FRMD4A: variants seen among roughly 807,000 people sequenced by gnomAD.
The protein encoded by FRMD4A is FERM domain-containing protein 4A.
A neutral mutation model predicts 129.1 loss-of-function variants in FRMD4A; 29 were observed. The ratio of observed to expected loss-of-function variants is 0.22; its 90% CI spans 0.17 to 0.31. The LOEUF is 0.31. Ranked by LOEUF, FRMD4A falls within the 10% of genes least tolerant of loss-of-function variation. The pLI, the probability that FRMD4A is intolerant of heterozygous loss-of-function variation, is 1.00. For missense variants in FRMD4A, 1,272 were observed against 1,375.8 expected, an observed-to-expected ratio of 0.92 and a Z score of 1.19; for synonymous variants, 634 against 571.6, an observed-to-expected ratio of 1.11 and a Z score of -1.56.
chr10:13,961,225 C>T (rs923349034), intron 2 of FRMD4A, among the ~76,000 whole-genome samples: 2 of 152,184 alleles, frequency 1.3e-5, no homozygotes, highest in South Asian at 4.1e-4. Flanking sequence ...AACCCCATAT[C>T]CTCTTTCCAT....
At chr10:13,745,685 A>G (rs2091252971) in intron 9 of FRMD4A, among the ~76,000 whole-genome samples, 1 of 152,170 alleles carries the variant, frequency 6.6e-6, no homozygotes, top group African/African-American at 2.4e-5. Flanking sequence ...TCAGATGAGC[A>G]TAGCAGTGTT....
At chr10:13,764,416 G>A (rs937705272) in intron 6 of FRMD4A, among the ~76,000 whole-genome samples, 2 of 151,816 alleles carry the variant, frequency 1.3e-5, no homozygotes, top group African/African-American at 4.8e-5. Flanking sequence ...GAGGTGGGAG[G>A]GTCCCCTGAG....
chr10:14,075,857 C>T lies in FRMD4A; in HGVS notation c.46-216945G>A, dbSNP rs149473726. 1.6e-4 allele frequency among the ~76,000 whole-genome samples: 24 copies of T among 152,202 alleles called. No homozygotes were observed. In the South Asian group the frequency reaches 3.1e-3, roughly 20 times the overall value. On this transcript the variant is annotated intron_variant, in intron 2 of 24. Coordinates refer to ENST00000357447, the MANE Select transcript of FRMD4A (RefSeq NM_018027.5). ...TGATATTTCTGCATTGTCATAAAGC[C>T]GGAGAGAGAAGCTTCCCCCAGTTAC...
intron 15 of FRMD4A, among the ~76,000 whole-genome samples, chr10:13,689,729 A>ATT (rs34481268): frequency 0.024 from 3,505 of 145,224 alleles, 52 homozygotes; most frequent in South Asian, 0.061. Flanking sequence ...TATTAAGAAG[A>ATT]TTTTTTTTTT....
At chr10:13,742,265 T>G (rs1452924200) in intron 9 of FRMD4A, among the ~76,000 whole-genome samples, 1 of 152,076 alleles carries the variant, frequency 6.6e-6, no homozygotes, top group East Asian at 1.9e-4. Context: ...ATACGGCCGC[T>G]CCCACCCCCG....
intron 2 of FRMD4A, among the ~76,000 whole-genome samples, chr10:13,893,472 T>G (rs1024989385): frequency 6.6e-6 from 1 of 152,340 alleles, no homozygotes; most frequent in South Asian, 2.1e-4. Context: ...CTGATTTGTT[T>G]TGACTGCAAC....
At chr10:13,730,357 A>G (rs1351959925) in intron 12 of FRMD4A, among the ~76,000 whole-genome samples, 11 of 152,198 alleles carry the variant, frequency 7.2e-5, no homozygotes. Context: ...AAACGTTTCC[A>G]GGGAAGAAAG....
chr10:13,945,572 C>T (rs929918413), intron 2 of FRMD4A, among the ~76,000 whole-genome samples: 1 of 152,096 alleles, frequency 6.6e-6, no homozygotes, highest in Non-Finnish European at 1.5e-5. Context: ...CGTAAAGTTT[C>T]AGATGTCTCA....
intron 2 of FRMD4A, among the ~76,000 whole-genome samples, chr10:14,151,005 T>G (rs76648567): frequency 0.023 from 3,560 of 152,306 alleles, 67 homozygotes; most frequent in Non-Finnish European, 0.036. Context: ...CCTAGGAATT[T>G]TACATGTGCT....
chr10:14,145,763 T>C (rs1306025282), intron 2 of FRMD4A, among the ~76,000 whole-genome samples: 1 of 152,088 alleles, frequency 6.6e-6, no homozygotes, highest in Non-Finnish European at 1.5e-5. Flanking sequence ...GAAGACAGGA[T>C]CTTAATTTCT....
chr10:13,651,822 G>A (rs1339744613), intron 24 of FRMD4A, 81 bp downstream of exon 24: 3 of 782,340 alleles, frequency 3.8e-6, no homozygotes, highest in Admixed American at 1.7e-5. Context: ...GTATCCTTGT[G>A]GAAATGATGA....
intron 2 of FRMD4A, among the ~76,000 whole-genome samples, chr10:13,860,660 C>G (rs61833457): frequency 0.24 from 37,189 of 152,126 alleles, 4,817 homozygotes; most frequent in Non-Finnish European, 0.29. Flanking sequence ...CCTTGTCCAG[C>G]CATGAGGGTC....
At chr10:13,938,914 C>A (rs1169621029) in intron 2 of FRMD4A, among the ~76,000 whole-genome samples, 1 of 152,110 alleles carries the variant, frequency 6.6e-6, no homozygotes, top group Non-Finnish European at 1.5e-5. Flanking sequence ...TCCAAGGCAA[C>A]ATCATGAGAT....
chr10:13,663,144 C>A (rs888897500), intron 19 of FRMD4A, among the ~76,000 whole-genome samples: 5 of 149,762 alleles, frequency 3.3e-5, no homozygotes, highest in African/African-American at 1.2e-4. Flanking sequence ...GAGCCGAGAT[C>A]ATACCACTGC....
intron 2 of FRMD4A, among the ~76,000 whole-genome samples, chr10:14,146,410 TCAACACAACA>T (rs772228665): frequency 1.3e-5 from 2 of 152,094 alleles, no homozygotes; most frequent in African/African-American, 4.8e-5. Flanking sequence ...ACAATATAAT[TCAACACAACA>T]CAACACAACA....
intron 2 of FRMD4A, among the ~76,000 whole-genome samples, chr10:14,229,534 C>T (rs572039093): frequency 7.2e-5 from 11 of 152,234 alleles, no homozygotes; most frequent in African/African-American, 2.4e-4. Flanking sequence ...ACCTCCCATG[C>T]TCAGGAGATC....
At position 13,657,389 on chromosome 10, in the gene FRMD4A, G is replaced by A. The variant is rs777688439; in HGVS notation, c.2200C>T (p.Arg734Trp). 1.2e-6 allele frequency: 2 copies of A among 1,612,750 alleles called. No individual in the cohort carries two copies. The highest frequency in any genetic ancestry group is 8.5e-7 in the Non-Finnish European group (1 of 1,179,876). Residue 734 changes from arginine (R) to tryptophan (W), a missense_variant, in exon 22 of 25, where the codon CGG becomes TGG. Physicochemically the swap from Arg to Trp is moderately radical, Grantham distance 101. Coordinates refer to ENST00000357447, the MANE Select transcript of FRMD4A (RefSeq NM_018027.5). ...TCTGAGCCGTTGCTGCTACGAGTCC[G>A]CGGGGTGTAGAAGTCGGGGCTCCCG... ...DTGSPDFYTP[R>W]TRSSNGSDPM...
rs78060167 is a variant in FRMD4A, at chr10:14,313,964, T to C, written c.45+16094A>G. On this transcript the variant is annotated intron_variant, in intron 2 of 24. Coordinates refer to ENST00000357447, the MANE Select transcript of FRMD4A (RefSeq NM_018027.5). ...TAACTGCCTTGTGTATTTTTCAGGATTGTTAGTTGCAGACAACAAAGTCCA... is the reference window on the plus strand; with the variant it reads ...TAACTGCCTTGTGTATTTTTCAGGACTGTTAGTTGCAGACAACAAAGTCCA... Among the ~76,000 whole-genome samples, 1,371 of 152,312 alleles carry C rather than the reference T, an allele frequency of 9.0e-3. 19 individuals carry two copies. Among genetic ancestry groups the C allele is most frequent in the African/African-American group, 0.031 (1,307 of 41,550 alleles).
intron 12 of FRMD4A, among the ~76,000 whole-genome samples, chr10:13,710,842 C>T (rs1034631562): frequency 2.0e-5 from 3 of 152,034 alleles, no homozygotes; most frequent in East Asian, 1.9e-4. Flanking sequence ...AGCAAAACTC[C>T]GTCTCTGCGA....
Sources: allele counts gnomAD v4.1 joint callset (sites outside exome capture counted in the v4.1 genomes callset), GRCh38; gene constraint gnomAD v4.1.1; transcripts MANE v1.5; gene names NCBI Gene and HGNC (gene_info 2026-07-23, HGNC 2026-07-21).